EVC2: variants seen among roughly 807,000 people sequenced by gnomAD.
EVC2 encodes the protein limbin.
Under a neutral mutation model 149.3 loss-of-function variants are expected in EVC2, and 148 were observed. The observed-to-expected ratio is 0.99, with a 90% CI of 0.87 to 1.14. The LOEUF is 1.14. Ranked by LOEUF, EVC2 falls within the 50% of genes most tolerant of loss-of-function variation. EVC2 has a pLI of 0.00. For synonymous variants in EVC2, 776 were observed against 649.9 expected, an observed-to-expected ratio of 1.19 and a Z score of -2.95; for missense variants, 1,854 against 1,627.3, an observed-to-expected ratio of 1.14 and a Z score of -2.40.
At chr4:5,690,475 A>T (rs1035640638) in intron 4 of EVC2, among the ~76,000 whole-genome samples, 1 of 149,566 alleles carries the variant, frequency 6.7e-6, no homozygotes, top group South Asian at 2.1e-4. Flanking sequence ...ATGAGTTGTG[A>T]TGGGTGCCTT....
At chr4:5,561,507 G>A (rs776386426), downstream of EVC2, among the ~76,000 whole-genome samples, 1 of 152,190 alleles carries the variant, frequency 6.6e-6, no homozygotes, top group Non-Finnish European at 1.5e-5. Flanking sequence ...GCTGAAAACG[G>A]TGCACAGCTG....
chr4:5,667,515 G>T (rs1006409261), intron 7 of EVC2, among the ~76,000 whole-genome samples: 2 of 151,998 alleles, frequency 1.3e-5, no homozygotes, highest in Admixed American at 6.6e-5. Context: ...TTTCATAGGG[G>T]GTCACTGATT....
chr4:5,683,389 G>A (rs920393897), intron 6 of EVC2, among the ~76,000 whole-genome samples: 2 of 152,204 alleles, frequency 1.3e-5, no homozygotes, highest in African/African-American at 4.8e-5. Context: ...AGCTCTTTGT[G>A]AAACATAAAT....
Position 5,576,991 on chromosome 4 carries a change from G to A in EVC2, c.3058-537C>T, listed in dbSNP as rs1722972307. 6.6e-6 allele frequency among the ~76,000 whole-genome samples: 1 copy of A among 152,194 alleles called. No individual in the cohort carries two copies. The highest frequency in any genetic ancestry group is 2.4e-5 in the African/African-American group (1 of 41,442). On this transcript the variant is annotated intron_variant, in intron 17 of 21. Transcript: ENST00000344408. This position sits in a 1 kb window ranked among gnomAD's most constrained non-coding sequence, Gnocchi z 4.5. Reference sequence around the variant, plus strand: ...TGGGGTATCTGCATGCACCCGGCATGGACGAAAGCCAGGCTGGAACACAGC... The same window carrying A: ...TGGGGTATCTGCATGCACCCGGCATAGACGAAAGCCAGGCTGGAACACAGC...
chr4:5,543,289 A>C, intron 21 of EVC2: 1 of 982,134 alleles, frequency 1.0e-6, no homozygotes, highest in Non-Finnish European at 1.4e-6. Context: ...CATCCACCCC[A>C]AGCCGGCAGG....
In EVC2 at chr4:5,613,579, C is replaced by T. The variant is rs1715017538; in HGVS notation, c.2829+1843G>A. The stretch of plus-strand genomic sequence containing the variant: ...GGGACAGCTTGGCTTACCTCTCTCG[C>T]TTCTCTTTGGGACCCCAACTTCTGC... On this transcript the variant is annotated intron_variant, in intron 16 of 21. Transcript: ENST00000344408. The surrounding 1 kb of genome is among the most constrained non-coding windows in gnomAD (Gnocchi z 4.6). 6.6e-6 allele frequency among the ~76,000 whole-genome samples: 1 copy of T among 152,134 alleles called. No individual in the cohort carries two copies. Among genetic ancestry groups the T allele is most frequent in the African/African-American group, 2.4e-5 (1 of 41,438 alleles).
Position 5,567,528 on chromosome 4 carries a change from T to C in EVC2, c.3557+916A>G, listed in dbSNP as rs1722363634. On this transcript the variant is annotated intron_variant, in intron 20 of 21. Transcript: ENST00000344408. The surrounding 1 kb of genome is among the most constrained non-coding windows in gnomAD (Gnocchi z 4.4). ...GCATCCTGGTGCAATGTTTTCATCCTGGCCATGGCTTTCCTTGCAGCCTCA... is the reference window on the plus strand; with the variant it reads ...GCATCCTGGTGCAATGTTTTCATCCCGGCCATGGCTTTCCTTGCAGCCTCA... Among the ~76,000 whole-genome samples the C allele has an allele frequency of 6.6e-6, 1 of 152,174 alleles. No homozygotes were observed. Among genetic ancestry groups the C allele is most frequent in the South Asian group, 2.1e-4 (1 of 4,824 alleles).
At chr4:5,532,299 T>C in the EVC2 span, among the ~76,000 whole-genome samples, 2 of 152,222 alleles carry the variant, frequency 1.3e-5, no homozygotes, top group Middle Eastern at 3.4e-3. Flanking sequence ...TTTCAACTGA[T>C]TGGACGAGGC....
intron 16 of EVC2, among the ~76,000 whole-genome samples, chr4:5,588,195 G>A (rs538415626): frequency 6.6e-6 from 1 of 152,276 alleles, no homozygotes; most frequent in East Asian, 1.9e-4. Flanking sequence ...TTTCCTCATT[G>A]TTTTGAAGAC....
intron 21 of EVC2, among the ~76,000 whole-genome samples, chr4:5,551,027 C>T (rs1721725766): frequency 6.6e-6 from 1 of 152,182 alleles, no homozygotes; most frequent in Non-Finnish European, 1.5e-5. Flanking sequence ...GCCTGGATGT[C>T]CAGGCAGAGG....
At chr4:5,586,834 T>C (rs944660649) in intron 16 of EVC2, among the ~76,000 whole-genome samples, 3 of 152,212 alleles carry the variant, frequency 2.0e-5, no homozygotes, top group Non-Finnish European at 4.4e-5. Context: ...CCCGAAAATG[T>C]ATAAAATCAA....
downstream of EVC2, among the ~76,000 whole-genome samples, chr4:5,540,658 G>A (rs995781106): frequency 2.0e-5 from 3 of 152,186 alleles, no homozygotes; most frequent in Non-Finnish European, 4.4e-5. Context: ...TGTGGGCAAG[G>A]GGGTGCCCTA....
chr4:5,663,283 C>A, intron 8 of EVC2, 37 bp from the exon 9 acceptor site: 1 of 1,613,126 alleles, frequency 6.2e-7, no homozygotes, highest in Middle Eastern at 1.7e-4. Context: ...TTGATTGGGC[C>A]TTCTTGTGAA....
chr4:5,601,088 T>G (rs560956607), intron 16 of EVC2, among the ~76,000 whole-genome samples: 1 of 152,242 alleles, frequency 6.6e-6, no homozygotes, highest in South Asian at 2.1e-4. Context: ...TGATGAAAGA[T>G]CTAAAGATAC....
chr4:5,620,285 T>C (rs1419743059), intron 14 of EVC2, among the ~76,000 whole-genome samples: 1 of 152,216 alleles, frequency 6.6e-6, no homozygotes, highest in African/African-American at 2.4e-5. Flanking sequence ...TGACTCTCAG[T>C]CATTATTCCT....
At position 5,563,133 on chromosome 4, in the gene EVC2, G is replaced by T. The variant is rs6853237; in HGVS notation, c.3660-18C>A. 3.3e-3 allele frequency: 5,241 copies of T among 1,608,618 alleles called. 114 individuals carry two copies. The African/African-American group carries it at 0.059, about 18-fold the overall frequency. On this transcript the variant is annotated intron_variant, in intron 21 of 21. Coordinates refer to ENST00000344408, the MANE Select transcript of EVC2 (RefSeq NM_147127.5). ...TTAATATGCTAAAGAAATAGCAAAA[G>T]ATCAAATTCAATATTTTTGGCAATG...
At chr4:5,533,445 G>A in the EVC2 span, among the ~76,000 whole-genome samples, 1 of 152,184 alleles carries the variant, frequency 6.6e-6, no homozygotes, top group Non-Finnish European at 1.5e-5. Flanking sequence ...GCAAGGAATG[G>A]GTCCAGTTGG....
downstream of EVC2, chr4:5,562,362 C>T: frequency 1.2e-6 from 1 of 842,324 alleles, no homozygotes; most frequent in Non-Finnish European, 1.5e-6. The surrounding 1 kb of genome is among the most constrained non-coding windows in gnomAD (Gnocchi z 4.3). Context: ...GAACACCACA[C>T]AGGGAACAAA....
intron 7 of EVC2, among the ~76,000 whole-genome samples, chr4:5,675,766 G>C (rs35934957): frequency 0.33 from 49,865 of 151,832 alleles, 8,243 homozygotes; most frequent in African/African-American, 0.35. Context: ...CCAACATGGT[G>C]AAACTCCATC....
Sources: allele counts gnomAD v4.1 joint callset (sites outside exome capture counted in the v4.1 genomes callset), GRCh38; gene constraint gnomAD v4.1.1; non-coding constraint Gnocchi (gnomAD v3.1); transcripts MANE v1.5; gene names NCBI Gene and HGNC (gene_info 2026-07-23, HGNC 2026-07-21).